Variants in MAPT observed in about 807,000 individuals in gnomAD.
MAPT encodes microtubule-associated protein tau.
A neutral mutation model predicts 67.9 loss-of-function variants in MAPT; 34 were observed. That is an observed-to-expected ratio of 0.50 (90% CI 0.38 to 0.67). MAPT has a LOEUF of 0.67. Ranked by LOEUF, MAPT falls within the 30% of genes least tolerant of loss-of-function variation. The pLI is 0.00. For synonymous variants in MAPT, 456 were observed against 464.5 expected (o/e 0.98, Z 0.23); for missense variants, 881 against 1,115.2 (o/e 0.79, Z 2.99).
intron 1 of MAPT, among the ~76,000 whole-genome samples, chr17:45,949,526 C>G (rs905624069): frequency 1.3e-5 from 2 of 152,160 alleles, no homozygotes; most frequent in East Asian, 1.9e-4. Flanking sequence ...AGAATTCAAG[C>G]CTTGCTCTCT....
chr17:46,018,336 T>C (rs1253815813), intron 11 of MAPT, among the ~76,000 whole-genome samples: 1 of 151,588 alleles, frequency 6.6e-6, no homozygotes, highest in Non-Finnish European at 1.5e-5. Flanking sequence ...TGCAAGGACT[T>C]ACTTGTATCC....
intron 1 of MAPT, among the ~76,000 whole-genome samples, chr17:45,926,158 C>T (rs2066267607): frequency 6.6e-6 from 1 of 151,704 alleles, no homozygotes; most frequent in Non-Finnish European, 1.5e-5. Flanking sequence ...TTGCAGTGAG[C>T]CAAGATCGTG....
At chr17:46,019,943 C>T (rs1466310775) in intron 12 of MAPT, among the ~76,000 whole-genome samples, 2 of 149,570 alleles carry the variant, frequency 1.3e-5, no homozygotes, top group African/African-American at 2.5e-5. Flanking sequence ...ACCCAGGGGA[C>T]AGAGGTTGTA....
intron 1 of MAPT, among the ~76,000 whole-genome samples, chr17:45,905,758 TA>T (rs1167997593): frequency 6.6e-6 from 1 of 152,208 alleles, no homozygotes; most frequent in Non-Finnish European, 1.5e-5. Context: ...ATGGAGATTA[TA>T]CTGTCTTCCC....
chr17:45,901,184 C>G (rs934648056), intron 1 of MAPT, among the ~76,000 whole-genome samples: 1 of 152,228 alleles, frequency 6.6e-6, no homozygotes, highest in African/African-American at 2.4e-5. Context: ...TTGTCATCTG[C>G]TGTCCCTGCC....
intron 1 of MAPT, among the ~76,000 whole-genome samples, chr17:45,900,272 T>A: frequency 6.6e-6 from 1 of 152,138 alleles, no homozygotes; most frequent in East Asian, 1.9e-4. Flanking sequence ...TGCCAAAGAG[T>A]TTGCTGTCCA....
chr17:45,974,746 A>C, intron 3 of MAPT: 1 of 463,966 alleles, frequency 2.2e-6, no homozygotes, highest in Admixed American at 3.4e-5. Flanking sequence ...AGTTCCAGAG[A>C]CTTCTCTGCA....
chr17:46,004,940 C>A (rs1437264261), intron 9 of MAPT, among the ~76,000 whole-genome samples: 1 of 152,156 alleles, frequency 6.6e-6, no homozygotes, highest in Non-Finnish European at 1.5e-5. Context: ...CCCGCCACCA[C>A]ACCTGGCTAA....
Position 46,010,572 on chromosome 17 carries a change from G to A in MAPT, c.2091+170G>A, listed in dbSNP as rs921571938. Reference sequence around the variant, plus strand: ...CCCGGCTCCCCACATTCCCCCACACGGTCCACTGTTCCCAGAAGCCCCTTC... The same window carrying A: ...CCCGGCTCCCCACATTCCCCCACACAGTCCACTGTTCCCAGAAGCCCCTTC... On this transcript the variant is annotated intron_variant, in intron 10 of 12. Coordinates refer to ENST00000262410, the MANE Select transcript of MAPT (RefSeq NM_001377265.1). This position sits in a 1 kb window ranked among gnomAD's most constrained non-coding sequence, Gnocchi z 4.7. Among the ~76,000 whole-genome samples, 76 of 152,270 alleles carry A rather than the reference G, an allele frequency of 5.0e-4. No homozygotes were observed. The highest frequency in any genetic ancestry group is 2.1e-4 in the South Asian group (1 of 4,832).
intron 9 of MAPT, among the ~76,000 whole-genome samples, chr17:46,006,771 A>C (rs1232426867): frequency 1.3e-5 from 2 of 151,880 alleles, no homozygotes; most frequent in Admixed American, 1.3e-4. Context: ...AAAAAAGAAA[A>C]AATTAGCCGG....
chr17:45,932,445 C>G (rs929698863), intron 1 of MAPT, among the ~76,000 whole-genome samples: 2 of 151,788 alleles, frequency 1.3e-5, no homozygotes, highest in African/African-American at 4.8e-5. Flanking sequence ...CAAAAATTAG[C>G]CAGGCATGAT....
chr17:45,990,879 G>A (rs1247007736), intron 7 of MAPT, among the ~76,000 whole-genome samples: 1 of 152,230 alleles, frequency 6.6e-6, no homozygotes, highest in Non-Finnish European at 1.5e-5. Context: ...GCCCGACTCT[G>A]CCAGCTTTGT....
chr17:45,904,294 A>G (rs2064085743), intron 1 of MAPT, among the ~76,000 whole-genome samples: 1 of 44,832 alleles, frequency 2.2e-5, no homozygotes, highest in Admixed American at 4.1e-4. Context: ...AATATGTATA[A>G]TATATAATAT....
At chr17:45,911,868 C>T (rs1459473883) in intron 1 of MAPT, among the ~76,000 whole-genome samples, 1 of 152,188 alleles carries the variant, frequency 6.6e-6, no homozygotes, top group Non-Finnish European at 1.5e-5. Context: ...ATCTTTCCAC[C>T]TTCCTGGAGG....
chr17:45,964,786 C>G (rs1028522532), intron 2 of MAPT, among the ~76,000 whole-genome samples: 1 of 152,012 alleles, frequency 6.6e-6, no homozygotes, highest in Non-Finnish European at 1.5e-5. Flanking sequence ...CCCGCTTTCC[C>G]TCTCCTTCTC....
At chr17:45,930,749 C>T (rs556795276) in intron 1 of MAPT, among the ~76,000 whole-genome samples, 15 of 152,284 alleles carry the variant, frequency 9.9e-5, no homozygotes, top group Non-Finnish European at 1.8e-4. Context: ...AAAAGGTGAA[C>T]GCCGTTCAGA....
At chr17:45,930,407 C>CAAAA (rs67120979) in intron 1 of MAPT, among the ~76,000 whole-genome samples, 1 of 81,962 alleles carries the variant, frequency 1.2e-5, no homozygotes, top group Non-Finnish European at 2.3e-5. Flanking sequence ...ATTCTGTCTC[C>CAAAA]AAAAAAAAAA....
chr17:45,999,538 G>A (rs765806609), intron 9 of MAPT: 6 of 1,613,548 alleles, frequency 3.7e-6, no homozygotes, highest in Non-Finnish European at 5.1e-6. Flanking sequence ...CAGCAGGAAT[G>A]GGGCTGAGCA....
In MAPT at chr17:46,024,365, C is replaced by A; in HGVS notation, c.*194C>A. 1.6e-6 allele frequency: 1 copy of A among 608,128 alleles called. No homozygotes were observed. The highest frequency in any genetic ancestry group is 2.9e-6 in the Non-Finnish European group (1 of 340,562). 37.7% of individuals were successfully genotyped at this position (608,128 alleles called of 1,614,324 possible). A position where few individuals can be genotyped will look rare whatever the true frequency, so the allele number is the denominator to read the frequency against. ...TCAAAATCAGTGATGGGAGTAAGAG[C>A]AAATTTCATCTTTCCAAATTGATGG... On this transcript the variant is annotated 3_prime_UTR_variant, in exon 13 of 13. Transcript: ENST00000262410.
Sources: gnomAD v4.1 joint callset for allele counts (sites outside exome capture counted in the v4.1 genomes callset) on GRCh38, gnomAD v4.1.1 for gene constraint, Gnocchi (gnomAD v3.1) non-coding constraint, MANE v1.5 for transcripts, NCBI Gene and HGNC (gene_info 2026-07-23, HGNC 2026-07-21) for gene names.